The following PRKN variants were observed in gnomAD, a reference collection of about 807,000 sequenced individuals.
The protein encoded by PRKN is parkin RBR E3 ubiquitin protein ligase.
In PRKN, 56 loss-of-function variants were observed where a neutral mutation model predicts 59.5. The ratio of observed to expected loss-of-function variants is 0.94; its 90% CI spans 0.76 to 1.18. PRKN has a LOEUF of 1.18. Ranked by LOEUF, PRKN falls within the 50% of genes most tolerant of loss-of-function variation. PRKN has a pLI of 0.00. For synonymous variants in PRKN, 250 were observed against 222.1 expected, an observed-to-expected ratio of 1.13 and a Z score of -1.12; for missense variants, 657 against 596.4, an observed-to-expected ratio of 1.10 and a Z score of -1.06.
chr6:162,539,026 G>C (rs536329066), intron 1 of PRKN, among the ~76,000 whole-genome samples: 1 of 152,298 alleles, frequency 6.6e-6, no homozygotes, highest in African/African-American at 2.4e-5. Context: ...TTACAGCAGG[G>C]CTGTGAGGAC....
At position 161,407,149 on chromosome 6, in the gene PRKN, G is replaced by A. The variant is rs1787313101; in HGVS notation, c.1084-20272C>T. Reference sequence around the variant, plus strand: ...AATGTCTTTATATTTTTATAAATATGGTTTCACAATTTTTTACAGAGTCAT... The same window carrying A: ...AATGTCTTTATATTTTTATAAATATAGTTTCACAATTTTTTACAGAGTCAT... On this transcript the variant is annotated intron_variant, in intron 9 of 11. Coordinates refer to ENST00000366898, the MANE Select transcript of PRKN (RefSeq NM_004562.3). This position sits in a 1 kb window ranked among gnomAD's most constrained non-coding sequence, Gnocchi z 4.9. Among the ~76,000 whole-genome samples the A allele has an allele frequency of 1.3e-5, 2 of 151,876 alleles. No individual in the cohort carries two copies. The highest frequency in any genetic ancestry group is 4.8e-5 in the African/African-American group (2 of 41,306).
chr6:162,061,790 T>C lies in PRKN; in HGVS notation c.535-7616A>G, dbSNP rs544085795. Among the ~76,000 whole-genome samples, 26 of 152,338 alleles carry C rather than the reference T, an allele frequency of 1.7e-4. No homozygotes were observed. The East Asian group carries it at 4.8e-3, about 28-fold the overall frequency. ...TATTGTTGCTCTTAAACCCTGAGAC[T>C]GCAGTTATAAAAAAGGGAGAATAAT... On this transcript the variant is annotated intron_variant, in intron 4 of 11. Coordinates refer to ENST00000366898, the MANE Select transcript of PRKN (RefSeq NM_004562.3).
chr6:162,261,075 C>T (rs1427483963), intron 3 of PRKN, among the ~76,000 whole-genome samples: 2 of 152,046 alleles, frequency 1.3e-5, no homozygotes, highest in East Asian at 1.9e-4. Context: ...TGAATACCAT[C>T]TTCAATGGCA....
intron 1 of PRKN, among the ~76,000 whole-genome samples, chr6:162,697,338 T>C (rs1778006875): frequency 6.6e-6 from 1 of 152,184 alleles, no homozygotes; most frequent in Non-Finnish European, 1.5e-5. Context: ...GGTTTGAGAT[T>C]TTTTTAAATG....
intron 2 of PRKN, among the ~76,000 whole-genome samples, chr6:162,305,408 C>T (rs1054026375): frequency 3.1e-4 from 47 of 151,218 alleles, no homozygotes; most frequent in Non-Finnish European, 4.9e-4. Context: ...ATTATCATTG[C>T]TTTTTTTTTA....
chr6:162,705,107 C>G (rs1368612723), intron 1 of PRKN, among the ~76,000 whole-genome samples: 2 of 152,118 alleles, frequency 1.3e-5, no homozygotes, highest in African/African-American at 4.8e-5. Flanking sequence ...GTAATAACTA[C>G]TAAAAACTGG....
chr6:162,242,796 A>G (rs1324031602), intron 3 of PRKN, among the ~76,000 whole-genome samples: 1 of 152,044 alleles, frequency 6.6e-6, no homozygotes, highest in Non-Finnish European at 1.5e-5. Context: ...TCTGGACTGC[A>G]TTTTCGCCTT....
At chr6:162,543,227 G>A (rs967493829) in intron 1 of PRKN, among the ~76,000 whole-genome samples, 1 of 152,112 alleles carries the variant, frequency 6.6e-6, no homozygotes, top group Non-Finnish European at 1.5e-5. Context: ...CAAAAATTGA[G>A]ATTGACATAT....
intron 7 of PRKN, among the ~76,000 whole-genome samples, chr6:161,630,482 TATTTA>T (rs1251701602): frequency 1.3e-5 from 2 of 152,168 alleles, no homozygotes; most frequent in Admixed American, 1.3e-4. Flanking sequence ...AAACCAAATT[TATTTA>T]ATTTAATGAG....
intron 5 of PRKN, among the ~76,000 whole-genome samples, chr6:162,026,004 T>C (rs1369510124): frequency 1.3e-5 from 2 of 152,188 alleles, no homozygotes; most frequent in East Asian, 3.9e-4. Context: ...AGGTTAACAA[T>C]CCTTTCTTAG....
intron 1 of PRKN, among the ~76,000 whole-genome samples, chr6:162,673,937 G>C (rs2849538): frequency 0.63 from 95,287 of 152,024 alleles, 30,609 homozygotes; most frequent in African/African-American, 0.75. Context: ...TAGCACTGTA[G>C]GACTCTGGAG....
chr6:161,574,723 A>G (rs1781066615), intron 7 of PRKN, among the ~76,000 whole-genome samples: 1 of 152,186 alleles, frequency 6.6e-6, no homozygotes, highest in South Asian at 2.1e-4. Context: ...TTGGACATCT[A>G]TTGGCATTTA....
intron 6 of PRKN, among the ~76,000 whole-genome samples, chr6:161,863,720 G>T (rs1029474276): frequency 6.6e-6 from 1 of 152,092 alleles, no homozygotes; most frequent in Admixed American, 6.6e-5. Flanking sequence ...GCAGGCTTGA[G>T]ATCCAAGAGA....
At chr6:161,616,088 T>A (rs2128148683) in intron 7 of PRKN, among the ~76,000 whole-genome samples, 1 of 152,296 alleles carries the variant, frequency 6.6e-6, no homozygotes, top group South Asian at 2.1e-4. Context: ...ATGCACTGAC[T>A]TTGATGCTCT....
chr6:161,385,694 C>T lies in PRKN; in HGVS notation c.1167+1100G>A, dbSNP rs1786209720. 6.6e-6 allele frequency among the ~76,000 whole-genome samples: 1 copy of T among 152,156 alleles called. No homozygotes were observed. Among genetic ancestry groups the T allele is most frequent in the African/African-American group, 2.4e-5 (1 of 41,430 alleles). On this transcript the variant is annotated intron_variant, in intron 10 of 11. Coordinates refer to ENST00000366898, the MANE Select transcript of PRKN (RefSeq NM_004562.3). The surrounding 1 kb of genome is among the most constrained non-coding windows in gnomAD (Gnocchi z 4.9). ...CGTTTCCCAGAGCCTCAGGTATACC[C>T]GCCTCCATTACAGCGGTCCTGAGGC...
chr6:162,286,439 T>G (rs1256994519), intron 2 of PRKN, among the ~76,000 whole-genome samples: 1 of 152,188 alleles, frequency 6.6e-6, no homozygotes, highest in African/African-American at 2.4e-5. Context: ...TCCCTACAAC[T>G]TCACCAACAT....
At chr6:161,793,032 A>T (rs551058004) in intron 6 of PRKN, among the ~76,000 whole-genome samples, 2 of 152,212 alleles carry the variant, frequency 1.3e-5, no homozygotes, top group Non-Finnish European at 2.9e-5. Flanking sequence ...CCTGCCCACA[A>T]CAATGCCAGA....
At chr6:162,691,510 C>CT in intron 1 of PRKN, among the ~76,000 whole-genome samples, 1 of 152,214 alleles carries the variant, frequency 6.6e-6, no homozygotes, top group East Asian at 1.9e-4. Context: ...ACCTCCCATT[C>CT]TGTGTCCCAC....
intron 7 of PRKN, among the ~76,000 whole-genome samples, chr6:161,714,405 A>C (rs1583043179): frequency 6.6e-6 from 1 of 152,162 alleles, no homozygotes; most frequent in Non-Finnish European, 1.5e-5. Context: ...TTTACTCCGC[A>C]TTAGGCTCTC....
Sources: allele counts gnomAD v4.1 joint callset (sites outside exome capture counted in the v4.1 genomes callset), GRCh38; gene constraint gnomAD v4.1.1; non-coding constraint Gnocchi (gnomAD v3.1); transcripts MANE v1.5; gene names NCBI Gene and HGNC (gene_info 2026-07-23, HGNC 2026-07-21).